The following SELENBP1 variants were observed in gnomAD, a reference collection of about 807,000 sequenced individuals.
SELENBP1 encodes methanethiol oxidase.
In SELENBP1, 71 loss-of-function variants were observed where a neutral mutation model predicts 61.0. That is an observed-to-expected ratio of 1.16 (90% CI 0.96 to 1.42). The LOEUF is 1.42. SELENBP1 is among the 40% of genes most tolerant of loss of function. SELENBP1 has a pLI of 0.00. For missense variants in SELENBP1, 561 were observed against 605.0 expected (o/e 0.93, Z 0.76); for synonymous variants, 270 against 238.9 (o/e 1.13, Z -1.20).
intron 1 of SELENBP1, among the ~76,000 whole-genome samples, chr1:151,371,364 C>T (rs567372268): frequency 2.0e-5 from 3 of 151,264 alleles, no homozygotes; most frequent in Admixed American, 6.6e-5. Flanking sequence ...GCCGAAATCA[C>T]GCCACTGCAG....
chr1:151,371,757 C>T lies in SELENBP1; in HGVS notation c.4+881G>A, dbSNP rs2102102885. Among the ~76,000 whole-genome samples the T allele has an allele frequency of 3.3e-5, 5 of 152,330 alleles. No individual in the cohort carries two copies. The South Asian group carries it at 1.0e-3, about 32-fold the overall frequency. On this transcript the variant is annotated intron_variant, in intron 1 of 11. Transcript: ENST00000368868. Reference sequence around the variant, plus strand: ...TGCAGAGATGGAGCTGCCCGCTCTGCAGCCTCGGCCCACCCCACACCCCAG... The same window carrying T: ...TGCAGAGATGGAGCTGCCCGCTCTGTAGCCTCGGCCCACCCCACACCCCAG...
intron 1 of SELENBP1, among the ~76,000 whole-genome samples, chr1:151,371,748 C>A (rs373896823): frequency 1.2e-4 from 18 of 152,158 alleles, no homozygotes. Context: ...GATGGAGCTG[C>A]CCGCTCTGCA....
chr1:151,368,814 G>A (rs570293171), intron 4 of SELENBP1, among the ~76,000 whole-genome samples, 190 bp downstream of exon 4: 21 of 152,326 alleles, frequency 1.4e-4, no homozygotes, highest in African/African-American at 4.3e-4. Context: ...CCTGGTCACC[G>A]TGCTGGAGGG....
At chr1:151,371,581 T>A (rs1652141184) in intron 1 of SELENBP1, among the ~76,000 whole-genome samples, 1 of 151,790 alleles carries the variant, frequency 6.6e-6, no homozygotes, top group East Asian at 1.9e-4. Flanking sequence ...TGTTACACAA[T>A]CTTGCTAAGT....
At position 151,364,874 on chromosome 1, in the gene SELENBP1, C is replaced by T. The variant is rs917428250; in HGVS notation, c.1256+52G>A. 6 of 1,581,672 alleles carry T rather than the reference C, an allele frequency of 3.8e-6. No individual in the cohort carries two copies. The Admixed American group carries it at 1.0e-4, about 27-fold the overall frequency. On this transcript the variant is annotated intron_variant, in intron 11 of 11. Coordinates refer to ENST00000368868, the MANE Select transcript of SELENBP1 (RefSeq NM_003944.4). ...GAGGAGTCTTCAGAAAGCCAAATGA[C>T]CCCTCTGGAAGAGGAGGGCTGGGGA...
chr1:151,365,308 G>A (rs1459384494), intron 9 of SELENBP1, 27 bp from the exon 10 acceptor site: 1 of 1,600,842 alleles, frequency 6.2e-7, no homozygotes, highest in Non-Finnish European at 8.5e-7. Flanking sequence ...AGAGTATAAG[G>A]AGGACCATAG....
Position 151,370,452 on chromosome 1 carries a change from G to A in SELENBP1, c.5-683C>T, listed in dbSNP as rs117693514. ...GGTCTGGGGCTAATACCAACTGGAA[G>A]TCCTCAGGCTGGTTTCTACCCCTGG... On this transcript the variant is annotated intron_variant, in intron 1 of 11. Transcript: ENST00000368868. 4.1e-4 allele frequency among the ~76,000 whole-genome samples: 63 copies of A among 152,296 alleles called. No homozygotes were observed. In the East Asian group the frequency reaches 9.3e-3, roughly 22 times the overall value.
rs750650780 is a variant in SELENBP1, at chr1:151,369,117, A to T, written c.247T>A (p.Cys83Ser). The change falls in exon 4 of 12, where the codon TGC (cysteine) becomes AGC (serine). Residue 83 changes from cysteine (C) to serine (S), a missense_variant. Coordinates refer to ENST00000368868, the MANE Select transcript of SELENBP1 (RefSeq NM_003944.4). The stretch of plus-strand genomic sequence containing the variant: ...CGCGACTTGGTGCTATCACCGAAGC[A>T]GCTGCTGCAGGTGTTCCATCCTGAG... ...HHSGWNTCSSCFGDSTKSRTK... is the reference protein window; with the variant it reads ...HHSGWNTCSSSFGDSTKSRTK... The T allele has an allele frequency of 6.2e-7, 1 of 1,614,058 alleles. No homozygotes were observed. The highest frequency in any genetic ancestry group is 1.1e-5 in the South Asian group (1 of 91,086).
intron 5 of SELENBP1, chr1:151,367,120 A>G: frequency 7.8e-7 from 1 of 1,276,450 alleles, no homozygotes; most frequent in Admixed American, 3.0e-5. Context: ...AGGCGGGCGG[A>G]TCACTTGAGG....
intron 9 of SELENBP1, 90 bp from the exon 10 acceptor site, chr1:151,365,371 C>G: frequency 6.7e-7 from 1 of 1,484,712 alleles, no homozygotes; most frequent in Non-Finnish European, 9.3e-7. Flanking sequence ...GAACCCCTCT[C>G]TCCTTTCAGA....
Position 151,369,252 on chromosome 1 carries a change from G to A in SELENBP1, c.175-63C>T. The A allele has an allele frequency of 2.6e-6, 4 of 1,565,018 alleles. No individual in the cohort carries two copies. The East Asian group carries it at 6.8e-5, about 26-fold the overall frequency. On this transcript the variant is annotated intron_variant, in intron 3 of 11. Coordinates refer to ENST00000368868, the MANE Select transcript of SELENBP1 (RefSeq NM_003944.4). ...GCCTCTGTCCACTTTTGGAAGAGGC[G>A]CCCTGTGGACTCATTTTGGTTTGGA...
chr1:151,372,503 T>C (rs549098705), intron 1 of SELENBP1, 135 bp downstream of exon 1: 1 of 1,116,236 alleles, frequency 9.0e-7, no homozygotes. Context: ...GTGTGCAGAC[T>C]GGGGACAATG....
chr1:151,365,791 C>A lies in SELENBP1; in HGVS notation c.899G>T (p.Gly300Val). ...ACCTGGCATTTCGGGCAGCAGCCAGCCCTTCACTTTCTTGGGGGGCACCTG... is the reference window on the plus strand; with the variant it reads ...ACCTGGCATTTCGGGCAGCAGCCAGACCTTCACTTTCTTGGGGGGCACCTG... ...VIQVPPKKVK[G>V]WLLPEMPGLI... Residue 300 changes from glycine (G) to valine (V), a missense_variant, in exon 8 of 12, where the codon GGC (glycine) becomes GTC (valine). Coordinates refer to ENST00000368868, the MANE Select transcript of SELENBP1 (RefSeq NM_003944.4). 3 of 1,614,200 alleles carry A rather than the reference C, an allele frequency of 1.9e-6. No individual in the cohort carries two copies. Among genetic ancestry groups the A allele is most frequent in the Non-Finnish European group, 2.5e-6 (3 of 1,180,036 alleles).
rs754905539 is a variant in SELENBP1 at position 151,365,558 on chromosome 1, T to G, written c.1044+5A>C. ...CCCTTCTGCTCCTCCTGCCAGGGTC[T>G]CCACCTGTCCTGTGAGGCGGGGTCT... On this transcript the variant is annotated splice_donor_5th_base_variant and intron_variant, in intron 9 of 11. Coordinates refer to ENST00000368868, the MANE Select transcript of SELENBP1 (RefSeq NM_003944.4). 6.2e-7 allele frequency: 1 copy of G among 1,614,080 alleles called. No individual in the cohort carries two copies. Among genetic ancestry groups the G allele is most frequent in the South Asian group, 1.1e-5 (1 of 91,054 alleles).
chr1:151,372,010 C>T (rs1288746063), intron 1 of SELENBP1, among the ~76,000 whole-genome samples: 1 of 152,234 alleles, frequency 6.6e-6, no homozygotes, highest in East Asian at 1.9e-4. Context: ...AAGAGCCAGC[C>T]CCGAGCGGGG....
At chr1:151,366,094 G>A (rs2800953) in intron 7 of SELENBP1, 181 bp downstream of exon 7, 603,987 of 792,854 alleles carry the variant, frequency 0.76, 231,303 homozygotes, top group African/African-American at 0.85. Flanking sequence ...TGAATGAATG[G>A]ATAAATACGG....
At chr1:151,368,891 G>T in intron 4 of SELENBP1, 113 bp downstream of exon 4, 1 of 1,156,216 alleles carries the variant, frequency 8.6e-7, no homozygotes, top group Non-Finnish European at 1.2e-6. Flanking sequence ...TGCCGAGCCA[G>T]TTGCCGCGTA....
In SELENBP1 at chr1:151,364,968, A is replaced by T. The variant is rs1651719697; in HGVS notation, c.1214T>A (p.Leu405Gln). Residue 405 changes from leucine to glutamine, a missense_variant, in exon 11 of 12, where the codon CTG becomes CAG. Transcript: ENST00000368868. ...DGKRLYITTS[L>Q]YSAWDKQFYP... ...AAACTGCTTGTCCCAGGCACTGTAC[A>T]GCGACGTGGTGATGTAGAGGCGCTT... 1 of 1,613,786 alleles carries T rather than the reference A, an allele frequency of 6.2e-7. No individual in the cohort carries two copies. Among genetic ancestry groups the T allele is most frequent in the South Asian group, 1.1e-5 (1 of 91,000 alleles).
At position 151,369,037 on chromosome 1, in the gene SELENBP1, C is replaced by T. The variant is rs761662432; in HGVS notation, c.327G>A (p.Val109=). The T allele has an allele frequency of 6.2e-6, 10 of 1,612,522 alleles. No homozygotes were observed. The East Asian group carries it at 1.6e-4, about 25-fold the overall frequency. The change falls in exon 4 of 12, where the codon GTG becomes GTA. Residue 109 remains valine (V), a synonymous_variant. Transcript: ENST00000368868. ...GCTTTGGGGCCCGGGGCTCAGAGCC[C>T]ACGTCCACCACATAGATGCGAGAGG... ...LISSRIYVVD[V]GSEPRAPKLH...
Sources: gnomAD v4.1 joint callset for allele counts (sites outside exome capture counted in the v4.1 genomes callset) on GRCh38, gnomAD v4.1.1 for gene constraint, MANE v1.5 for transcripts, NCBI Gene and HGNC (gene_info 2026-07-23, HGNC 2026-07-21) for gene names.